Variants in ARX observed in about 807,000 individuals in gnomAD.
ARX encodes aristaless related homeobox, also known as homeobox protein ARX.
ARX carries 1 observed loss-of-function variant against 23.1 expected under a neutral mutation model. The observed-to-expected ratio is 0.04, with a 90% CI of 0.02 to 0.21. The LOEUF is 0.21. Among genes scored for constraint, ARX ranks in the 10% least tolerant of loss-of-function variants. The probability of loss-of-function intolerance (pLI) is 1.00; values close to 1 mark genes in which losing one functional copy is unlikely to be tolerated. For missense variants in ARX, 380 were observed against 527.5 expected, an observed-to-expected ratio of 0.72 and a Z score of 2.74; for synonymous variants, 301 against 270.1, an observed-to-expected ratio of 1.11 and a Z score of -1.12.
rs1373398799 is a variant in ARX at position 25,004,565 on chromosome X, C to T, written c.*105G>A. ...TGAAGGCGGCTGCGCTCTCTCAGTG[C>T]CGTCTCGGGAGTGTGCTGGTCCTCT... is the stretch of plus-strand genomic sequence containing the variant. On this transcript the variant is annotated 3_prime_UTR_variant, in exon 5 of 5. Transcript: ENST00000379044. 8.0e-6 allele frequency: 9 copies of T among 1,127,829 alleles called. No individual in the cohort carries two copies. Among genetic ancestry groups the T allele is most frequent in the Middle Eastern group, 2.7e-4 (1 of 3,677 alleles). 92.9% of individuals were successfully genotyped at this position (1,127,829 alleles called of 1,213,427 possible).
At chrX:25,011,604 C>T (rs1478894703) in intron 2 of ARX, among the ~76,000 whole-genome samples, 1 of 113,320 alleles carries the variant, frequency 8.8e-6, no homozygotes, top group Non-Finnish European at 1.9e-5. Context: ...AAGGAAAGGA[C>T]TGGGTGACAC....
In ARX at chrX:25,012,872, G is replaced by T. The variant is rs762645204; in HGVS notation, c.1073+50C>A. On this transcript the variant is annotated intron_variant, in intron 2 of 4. Transcript: ENST00000379044. The stretch of plus-strand genomic sequence containing the variant: ...TGCCAGCCCGCTGTCCCTCCCTGGG[G>T]CCCGCGTGCGCTCTCTGCCGCTGCG... The T allele has an allele frequency of 1.1e-5, 13 of 1,178,912 alleles. No individual in the cohort carries two copies. The Admixed American group carries it at 2.2e-4, about 20-fold the overall frequency.
chrX:25,012,611 G>A (rs945793744), intron 2 of ARX, among the ~76,000 whole-genome samples: 2 of 113,354 alleles, frequency 1.8e-5, no homozygotes, highest in African/African-American at 3.2e-5. Context: ...TGGCGCTTTC[G>A]GGCGCTCTTT....
Position 25,007,347 on chromosome X carries a change from G to C in ARX, c.1212C>G (p.Leu404=). 1.7e-6 allele frequency: 2 copies of C among 1,145,462 alleles called. No individual in the cohort carries two copies. The highest frequency in any genetic ancestry group is 2.3e-6 in the Non-Finnish European group (2 of 867,832). The allele number at this position is 1,145,462 out of a possible 1,213,427, so 94.4% of individuals were successfully genotyped here. A position where few individuals can be genotyped will look rare whatever the true frequency, so the allele number is the denominator to read the frequency against. ...HPPGLPFPGP[L]SATHPLSPYL... ...AGGGGCTGAGCGGGTGGGTGGCGGA[G>C]AGCGGCCCCGGGAAGGGCAGCCCAG... The change falls in exon 4 of 5, where the codon CTC becomes CTG. Residue 404 remains leucine, a synonymous_variant. Coordinates refer to ENST00000379044, the MANE Select transcript of ARX (RefSeq NM_139058.3).
At position 25,004,530 on chromosome X, in the gene ARX, C is replaced by A; in HGVS notation, c.*140G>T. The stretch of plus-strand genomic sequence containing the variant: ...CGCCGAGGGCTGCCATGCCCGCATC[C>A]AGACTGCTGTGAAGGCGGCTGCGCT... On this transcript the variant is annotated 3_prime_UTR_variant, in exon 5 of 5. Coordinates refer to ENST00000379044, the MANE Select transcript of ARX (RefSeq NM_139058.3). The A allele has an allele frequency of 1.9e-6, 2 of 1,061,299 alleles. No individual in the cohort carries two copies. The highest frequency in any genetic ancestry group is 2.5e-6 in the Non-Finnish European group (2 of 794,485). 87.5% of individuals were successfully genotyped at this position (1,061,299 alleles called of 1,213,427 possible). A position where few individuals can be genotyped will look rare whatever the true frequency, so the allele number is the denominator to read the frequency against.
In ARX at chrX:25,006,195, G is replaced by A. The variant is rs144808710; in HGVS notation, c.1448+916C>T. On this transcript the variant is annotated intron_variant, in intron 4 of 4. Transcript: ENST00000379044. ...AAATGATAAAGTGTGACCCGGAGGT[G>A]GCGTAACATGCCCTGGTTCCATTAG... is the stretch of plus-strand genomic sequence containing the variant. Among the ~76,000 whole-genome samples, 22 of 112,669 alleles carry A rather than the reference G, an allele frequency of 2.0e-4. No homozygotes were observed. In the East Asian group the frequency reaches 5.9e-3, roughly 30 times the overall value.
chrX:25,008,177 G>A (rs2048686882), intron 3 of ARX, among the ~76,000 whole-genome samples: 1 of 112,601 alleles, frequency 8.9e-6, no homozygotes, highest in East Asian at 2.8e-4. Context: ...ACATTTCAGG[G>A]GGTCAATCCT....
rs1308450652 is a variant in ARX, at chrX:25,004,299, G to T, written c.*371C>A. 8 of 178,129 alleles carry T rather than the reference G, an allele frequency of 4.5e-5. No individual in the cohort carries two copies. Among genetic ancestry groups the T allele is most frequent in the Admixed American group, 7.6e-5 (1 of 13,090 alleles). 14.7% of individuals were successfully genotyped at this position (178,129 alleles called of 1,213,427 possible). ...AAAGAAAGAAAGAAAGAAAAGAAAG[G>T]CTAAGTGGGGTGTCAGGAGGAAGAG... On this transcript the variant is annotated 3_prime_UTR_variant, in exon 5 of 5. Coordinates refer to ENST00000379044, the MANE Select transcript of ARX (RefSeq NM_139058.3).
intron 1 of ARX, 68 bp from the exon 2 acceptor site, chrX:25,013,866 G>A (rs2048714380): frequency 2.3e-6 from 2 of 876,014 alleles, no homozygotes; most frequent in Non-Finnish European, 2.8e-6. Context: ...TGCTGCCGGG[G>A]CCCGCCCGCA....
Position 25,015,916 on chromosome X carries a change from G to C in ARX, c.-179C>G, listed in dbSNP as rs2048725715. On this transcript the variant is annotated 5_prime_UTR_variant, in exon 1 of 5. Transcript: ENST00000379044. ...GGCTGCCGGCTCCCGCCCTGCCCGC[G>C]GCCCGAGCTCGCCCTCTCCGCGCTC... 1 of 519,893 alleles carries C rather than the reference G, an allele frequency of 1.9e-6. No individual in the cohort carries two copies. The highest frequency in any genetic ancestry group is 3.3e-6 in the Non-Finnish European group (1 of 306,867). 42.8% of individuals were successfully genotyped at this position (519,893 alleles called of 1,213,427 possible). A position where few individuals can be genotyped will look rare whatever the true frequency, so the allele number is the denominator to read the frequency against.
At chrX:25,004,932 C>A (rs753570587) in intron 4 of ARX, 22 bp from the exon 5 acceptor site, 111 of 1,104,962 alleles carry the variant, frequency 1.0e-4, no homozygotes, top group East Asian at 9.1e-4. Flanking sequence ...GCAAACAGCG[C>A]GGTCATGGCC....
Position 25,004,894 on chromosome X carries a change from C to T in ARX, c.1465G>A (p.Ala489Thr). 1.8e-6 allele frequency: 2 copies of T among 1,137,774 alleles called. No homozygotes were observed. Among genetic ancestry groups the T allele is most frequent in the Non-Finnish European group, 2.3e-6 (2 of 861,770 alleles). 93.8% of individuals were successfully genotyped at this position (1,137,774 alleles called of 1,213,427 possible). The change falls in exon 5 of 5, where the codon GCC becomes ACC. Residue 489 changes from alanine (A) to threonine (T), a missense_variant. By Grantham distance (58) the Ala-to-Thr change is moderately conservative. Coordinates refer to ENST00000379044, the MANE Select transcript of ARX (RefSeq NM_139058.3). ...PAFGRLFSTM[A>T]PLTSASTAAA... is the part of the protein sequence containing the mutation. ...GCGGTCGACGCGCTGGTCAGGGGGG[C>T]CATTGTGGAAAAGAGCCTGCAGGGA...
rs73207283 is a variant in ARX at position 25,012,697 on chromosome X, G to A, written c.1073+225C>T. Among the ~76,000 whole-genome samples, 10,186 of 112,723 alleles carry A rather than the reference G, an allele frequency of 0.09. 486 individuals carry two copies. The highest frequency in any genetic ancestry group is 0.14 in the Non-Finnish European group (7,424 of 53,213). On this transcript the variant is annotated intron_variant, in intron 2 of 4. Coordinates refer to ENST00000379044, the MANE Select transcript of ARX (RefSeq NM_139058.3). ...CATTAAACTGCAACGACCTTGGGAAGAAGATAAACCATTCCAGCCTAAACT... is the reference window on the plus strand; with the variant it reads ...CATTAAACTGCAACGACCTTGGGAAAAAGATAAACCATTCCAGCCTAAACT...
At position 25,013,785 on chromosome X, in the gene ARX, G is replaced by C. The variant is rs772721719; in HGVS notation, c.210C>G (p.Ser70Arg). The stretch of plus-strand genomic sequence containing the variant: ...GCTCGGCCTCGAACGGGGCGCTGCT[G>C]CTCTTAGGGGAGCCTGCGGGCAAGG... The part of the protein sequence containing the change: ...PEKAVQGSPK[S>R]SSAPFEAELH... The change falls in exon 2 of 5, where the codon AGC becomes AGG. Residue 70 changes from serine to arginine, a missense_variant. By Grantham distance (110) the Ser-to-Arg change is moderately radical. Coordinates refer to ENST00000379044, the MANE Select transcript of ARX (RefSeq NM_139058.3). The C allele has an allele frequency of 1.1e-6, 1 of 927,351 alleles. No homozygotes were observed. Among genetic ancestry groups the C allele is most frequent in the South Asian group, 5.9e-5 (1 of 16,858 alleles). 76.4% of individuals were successfully genotyped at this position (927,351 alleles called of 1,213,427 possible). A position where few individuals can be genotyped will look rare whatever the true frequency, so the allele number is the denominator to read the frequency against.
At position 25,013,683 on chromosome X, in the gene ARX, C is replaced by A. The variant is rs1419161057; in HGVS notation, c.312G>T (p.Ala104=). ...CTGCCGCCGCCGCCGCCGCCGCCGC[C>A]GCCGCCGCTGCCGCACCCTGAAGGA... ...GRLLQGAAAA[A]AAAAAAAAAA... is the part of the protein sequence containing the mutation. The change falls in exon 2 of 5, where the codon GCG becomes GCT. Residue 104 remains alanine (A), a synonymous_variant. Coordinates refer to ENST00000379044, the MANE Select transcript of ARX (RefSeq NM_139058.3). The A allele has an allele frequency of 3.5e-6, 3 of 852,719 alleles. No individual in the cohort carries two copies. Among genetic ancestry groups the A allele is most frequent in the Non-Finnish European group, 4.3e-6 (3 of 703,877 alleles). The allele number at this position is 852,719 out of a possible 1,213,427, so 70.3% of individuals were successfully genotyped here. A position where few individuals can be genotyped will look rare whatever the true frequency, so the allele number is the denominator to read the frequency against.
chrX:25,015,886 T>G lies in ARX; in HGVS notation c.-149A>C. On this transcript the variant is annotated 5_prime_UTR_variant, in exon 1 of 5. Transcript: ENST00000379044. ...CTTTGTGCCTTTCTGCCTCCCTTGG[T>G]TGCCGGCTGCCGGCTCCCGCCCTGC... The G allele has an allele frequency of 1.5e-6, 1 of 676,728 alleles. No individual in the cohort carries two copies. The highest frequency in any genetic ancestry group is 2.7e-5 in the South Asian group (1 of 36,994). 55.8% of individuals were successfully genotyped at this position (676,728 alleles called of 1,213,427 possible).
At chrX:25,011,052 G>A (rs1422684759) in intron 2 of ARX, among the ~76,000 whole-genome samples, 1 of 112,204 alleles carries the variant, frequency 8.9e-6, no homozygotes, top group Admixed American at 9.4e-5. Flanking sequence ...CGACAATTAA[G>A]GCAAATAGGA....
In ARX at chrX:25,004,731, G is replaced by T; in HGVS notation, c.1628C>A (p.Ala543Glu). The T allele has an allele frequency of 8.6e-7, 1 of 1,166,143 alleles. No homozygotes were observed. The highest frequency in any genetic ancestry group is 3.2e-5 in the East Asian group (1 of 30,830). Residue 543 changes from alanine (A) to glutamate (E), a missense_variant, in exon 5 of 5, where the codon GCG becomes GAG. Physicochemically the swap from Ala to Glu is moderately radical, Grantham distance 107. Coordinates refer to ENST00000379044, the MANE Select transcript of ARX (RefSeq NM_139058.3). ...AALRLKAKEH[A>E]AQLTQLNILP... ...GATGTTGAGCTGCGTGAGCTGCGCC[G>T]CGTGCTCCTTGGCCTTGAGCCTCAG...
In ARX at chrX:25,015,587, G is replaced by A. The variant is rs774812798; in HGVS notation, c.151C>T (p.Pro51Ser). ...TCGGCGCGGCTGGTCAGCGGAGCAG[G>A]CAAGCTCTGCGCGGCTCCCAGCAAC... ...MRLLGAAQSLPAPLTSRADPE... is the reference protein window; with the variant it reads ...MRLLGAAQSLSAPLTSRADPE... The change falls in exon 1 of 5, where the codon CCT becomes TCT. Residue 51 changes from proline (P) to serine (S), a missense_variant. Pro to Ser is a moderately conservative substitution (Grantham distance 74). Around this residue, in one of 3 missense-constraint regions of ARX, gnomAD observed 235 missense variants for 270.2 expected, o/e 0.87. Coordinates refer to ENST00000379044, the MANE Select transcript of ARX (RefSeq NM_139058.3). 6 of 1,209,207 alleles carry A rather than the reference G, an allele frequency of 5.0e-6. No individual in the cohort carries two copies. In the Admixed American group the frequency reaches 6.5e-5, roughly 13 times the overall value.
Sources: gnomAD v4.1 joint callset for allele counts (sites outside exome capture counted in the v4.1 genomes callset) on GRCh38, gnomAD v4.1.1 for gene constraint, gnomAD v4.1.1 regional missense constraint, MANE v1.5 for transcripts, NCBI Gene and HGNC (gene_info 2026-07-23, HGNC 2026-07-21) for gene names.